Variants in SRBD1 observed in about 807,000 individuals in gnomAD.
The protein encoded by SRBD1 is S1 RNA-binding domain-containing protein 1.
SRBD1 carries 88 observed loss-of-function variants against 115.3 expected under a neutral mutation model. The observed-to-expected ratio is 0.76, with a 90% CI of 0.64 to 0.91. The LOEUF is 0.91. Among genes scored for constraint, SRBD1 ranks in the 40% least tolerant of loss-of-function variants. The pLI is 0.00. For synonymous variants in SRBD1, 509 were observed against 407.7 expected (o/e 1.25, Z -2.99); for missense variants, 1,385 against 1,177.4 (o/e 1.18, Z -2.58).
chr2:45,566,483 A>T (rs1672834906), intron 9 of SRBD1, among the ~76,000 whole-genome samples: 1 of 152,256 alleles, frequency 6.6e-6, no homozygotes, highest in Admixed American at 6.5e-5. Flanking sequence ...TGATTCCTTT[A>T]TATGAAATGA....
intron 4 of SRBD1, among the ~76,000 whole-genome samples, chr2:45,595,873 T>C (rs1673878741): frequency 6.6e-6 from 1 of 152,174 alleles, no homozygotes; most frequent in Admixed American, 6.5e-5. Flanking sequence ...CTGAGCTTAA[T>C]AATTGCCATC....
chr2:45,416,944 A>G (rs1572616548), intron 18 of SRBD1, among the ~76,000 whole-genome samples: 1 of 152,106 alleles, frequency 6.6e-6, no homozygotes, highest in Admixed American at 6.5e-5. Context: ...ATGCTCAGCT[A>G]ATTTTTGTAT....
At chr2:45,432,372 G>A (rs1413271717) in intron 16 of SRBD1, among the ~76,000 whole-genome samples, 6 of 152,118 alleles carry the variant, frequency 3.9e-5, no homozygotes, top group African/African-American at 1.4e-4. Flanking sequence ...TTTGGTGGAA[G>A]GAATACTGAA....
chr2:45,494,040 T>G (rs1279384728), intron 14 of SRBD1, among the ~76,000 whole-genome samples: 3 of 152,036 alleles, frequency 2.0e-5, no homozygotes, highest in Admixed American at 2.0e-4. Flanking sequence ...TAAACTGCAC[T>G]ATTTATGATA....
Position 45,601,796 on chromosome 2 carries a change from G to T in SRBD1, c.261+107C>A, listed in dbSNP as rs1430916723. On this transcript the variant is annotated intron_variant, in intron 3 of 20. Coordinates refer to ENST00000263736, the MANE Select transcript of SRBD1 (RefSeq NM_018079.5). The stretch of plus-strand genomic sequence containing the variant: ...CCCAGGGTAGGGGATGCCATTGCTG[G>T]CAGTTTTTGTCATTTACATGCCTTG... 25 of 1,417,630 alleles carry T rather than the reference G, an allele frequency of 1.8e-5. No homozygotes were observed. The South Asian group carries it at 2.8e-4, about 16-fold the overall frequency. 87.8% of individuals were successfully genotyped at this position (1,417,630 alleles called of 1,614,324 possible).
intron 14 of SRBD1, among the ~76,000 whole-genome samples, chr2:45,520,517 G>T (rs1671250204): frequency 6.6e-6 from 1 of 152,198 alleles, no homozygotes; most frequent in Admixed American, 6.5e-5. Context: ...CTCAAACCTG[G>T]ATATCCATGG....
intron 9 of SRBD1, among the ~76,000 whole-genome samples, chr2:45,571,795 A>G (rs1237811391): frequency 6.6e-6 from 1 of 152,060 alleles, no homozygotes; most frequent in Non-Finnish European, 1.5e-5. Flanking sequence ...TACAAAGAAT[A>G]AATCAACAAG....
chr2:45,512,522 A>C (rs907908630), intron 14 of SRBD1, among the ~76,000 whole-genome samples: 1 of 152,174 alleles, frequency 6.6e-6, no homozygotes, highest in Non-Finnish European at 1.5e-5. Flanking sequence ...GGCACACTAA[A>C]TTCAGGCATT....
chr2:45,398,642 T>G (rs927791416), intron 19 of SRBD1, among the ~76,000 whole-genome samples: 1 of 152,176 alleles, frequency 6.6e-6, no homozygotes, highest in African/African-American at 2.4e-5. Flanking sequence ...CATTACTGAA[T>G]AAGAGTAAAA....
At chr2:45,521,127 C>T (rs1671268935) in intron 14 of SRBD1, among the ~76,000 whole-genome samples, 1 of 152,116 alleles carries the variant, frequency 6.6e-6, no homozygotes, top group Admixed American at 6.5e-5. Context: ...ACAAGCCACA[C>T]CCCTGTCGCA....
intron 16 of SRBD1, among the ~76,000 whole-genome samples, chr2:45,465,768 C>G (rs1364579327): frequency 6.6e-6 from 1 of 152,136 alleles, no homozygotes. Context: ...CATTACATTA[C>G]AGTGCATTCA....
chr2:45,519,315 T>C (rs1671212746), intron 14 of SRBD1, among the ~76,000 whole-genome samples: 1 of 152,174 alleles, frequency 6.6e-6, no homozygotes, highest in Non-Finnish European at 1.5e-5. Flanking sequence ...GGGACCCCAC[T>C]GGCCTCACTA....
At chr2:45,477,175 T>G (rs1370658279) in intron 15 of SRBD1, 100 bp from the exon 16 acceptor site, 1 of 865,658 alleles carries the variant, frequency 1.2e-6, no homozygotes, top group African/African-American at 1.7e-5. Flanking sequence ...CTTAATCCTG[T>G]CCCTCCTCAT....
At chr2:45,414,872 AAT>A (rs1392562211) in intron 18 of SRBD1, among the ~76,000 whole-genome samples, 3 of 46,356 alleles carry the variant, frequency 6.5e-5, no homozygotes, top group South Asian at 6.1e-4. Context: ...ATGTACACAC[AAT>A]ATAGTGTGTA....
intron 16 of SRBD1, among the ~76,000 whole-genome samples, chr2:45,463,267 C>G (rs181062134): frequency 6.6e-6 from 1 of 152,274 alleles, no homozygotes; most frequent in African/African-American, 2.4e-5. Flanking sequence ...CACTTCAACT[C>G]TTATACCTTA....
chr2:45,430,247 C>A (rs1035124688), intron 16 of SRBD1, among the ~76,000 whole-genome samples: 2 of 152,124 alleles, frequency 1.3e-5, no homozygotes, highest in Non-Finnish European at 2.9e-5. Flanking sequence ...GCTATCCCCC[C>A]CATCAAGCTA....
intron 14 of SRBD1, among the ~76,000 whole-genome samples, chr2:45,494,025 A>T (rs1670381098): frequency 6.6e-6 from 1 of 152,148 alleles, no homozygotes; most frequent in Non-Finnish European, 1.5e-5. Context: ...AAAATTCAAA[A>T]AAATTAAACT....
At chr2:45,481,425 A>G (rs1669960270) in intron 15 of SRBD1, among the ~76,000 whole-genome samples, 1 of 152,144 alleles carries the variant, frequency 6.6e-6, no homozygotes, top group Non-Finnish European at 1.5e-5. Context: ...TTGCTGATAA[A>G]GAGAATTAAG....
intron 14 of SRBD1, 75 bp from the exon 15 acceptor site, chr2:45,488,406 A>G: frequency 7.8e-7 from 1 of 1,280,542 alleles, no homozygotes. Context: ...GAATGAAACC[A>G]GGCATTACCA....
Sources: allele counts gnomAD v4.1 joint callset (sites outside exome capture counted in the v4.1 genomes callset), GRCh38; gene constraint gnomAD v4.1.1; transcripts MANE v1.5; gene names NCBI Gene and HGNC (gene_info 2026-07-23, HGNC 2026-07-21).